IMPG1: variants seen among roughly 807,000 people sequenced by gnomAD.
The protein encoded by IMPG1 is interphotoreceptor matrix proteoglycan 1, also known as interphotoreceptor matrix proteoglycan of 150 kDa.
Under a neutral mutation model 92.0 loss-of-function variants are expected in IMPG1, and 85 were observed. The ratio of observed to expected loss-of-function variants is 0.92; its 90% CI spans 0.78 to 1.11. The LOEUF (loss-of-function observed/expected upper bound fraction) is 1.11. Ranked by LOEUF, IMPG1 falls within the 50% of genes least tolerant of loss-of-function variation. The pLI, the probability that IMPG1 is intolerant of heterozygous loss-of-function variation, is 0.00. For synonymous variants in IMPG1, 367 were observed against 334.1 expected (o/e 1.10, Z -1.08); for missense variants, 1,022 against 956.0 (o/e 1.07, Z -0.91).
intron 12 of IMPG1, among the ~76,000 whole-genome samples, chr6:75,996,332 A>G (rs1341699716): frequency 1.3e-5 from 2 of 152,208 alleles, no homozygotes; most frequent in Non-Finnish European, 2.9e-5. Context: ...GAGTTACTGA[A>G]AACTGCTTGG....
chr6:76,022,038 A>G, intron 6 of IMPG1, 78 bp downstream of exon 6: 1 of 748,496 alleles, frequency 1.3e-6, no homozygotes, highest in South Asian at 1.4e-5. Flanking sequence ...AGGATGGTTT[A>G]TCCATTCTCT....
At chr6:75,977,617 A>C (rs926258925) in intron 12 of IMPG1, among the ~76,000 whole-genome samples, 3 of 151,670 alleles carry the variant, frequency 2.0e-5, no homozygotes, top group Non-Finnish European at 2.9e-5. Context: ...AAAAACCCCC[A>C]AAAAACAAGC....
At chr6:76,040,609 T>A (rs999918761) in intron 2 of IMPG1, among the ~76,000 whole-genome samples, 1 of 152,226 alleles carries the variant, frequency 6.6e-6, no homozygotes, top group African/African-American at 2.4e-5. Flanking sequence ...AATAGTAATA[T>A]AGTGCCCTTG....
chr6:75,958,465 T>A (rs1014472958), intron 12 of IMPG1, among the ~76,000 whole-genome samples: 1 of 152,220 alleles, frequency 6.6e-6, no homozygotes, highest in African/African-American at 2.4e-5. Context: ...TCCTGGATAA[T>A]ATCCTGAAGA....
chr6:75,930,840 A>G lies in IMPG1; in HGVS notation c.2243+113T>C, dbSNP rs557159535. On this transcript the variant is annotated intron_variant, in intron 15 of 16. Coordinates refer to ENST00000369950, the MANE Select transcript of IMPG1 (RefSeq NM_001563.4). ...TTTCTGGGTGATTTCTACACTCACT[A>G]AAGTTTAAAAACCATGGGTTGAAAG... 8 of 983,870 alleles carry G rather than the reference A, an allele frequency of 8.1e-6. No homozygotes were observed. In the East Asian group the frequency reaches 9.7e-5, roughly 12 times the overall value. 60.9% of individuals were successfully genotyped at this position (983,870 alleles called of 1,614,324 possible).
chr6:75,978,247 C>T (rs932471913), intron 12 of IMPG1, among the ~76,000 whole-genome samples: 1 of 150,936 alleles, frequency 6.6e-6, no homozygotes, highest in African/African-American at 2.4e-5. Context: ...TCTCCCTCTT[C>T]TGCTTTGTGT....
In IMPG1 at chr6:76,025,256, T is replaced by G. The variant is rs1783505054; in HGVS notation, c.500A>C (p.Lys167Thr). 6.4e-7 allele frequency: 1 copy of G among 1,568,062 alleles called. No homozygotes were observed. Among genetic ancestry groups the G allele is most frequent in the Non-Finnish European group, 8.8e-7 (1 of 1,140,308 alleles). Residue 167 changes from lysine (K) to threonine (T), a missense_variant and splice_region_variant, in exon 5 of 17, where the codon AAA becomes ACA. By Grantham distance (78) the Lys-to-Thr change is moderately conservative. Coordinates refer to ENST00000369950, the MANE Select transcript of IMPG1 (RefSeq NM_001563.4). ...TGTCTTCTCTGCAGATATTTCATCTTTTCTATTAGTACAATAGAAAAGAAG... is the reference window on the plus strand; with the variant it reads ...TGTCTTCTCTGCAGATATTTCATCTGTTCTATTAGTACAATAGAAAAGAAG... The part of the protein sequence containing the change: ...RIKQRSFPDR[K>T]DEISAEKTLG...
At chr6:75,971,274 T>A (rs571614216) in intron 12 of IMPG1, among the ~76,000 whole-genome samples, 39 of 133,998 alleles carry the variant, frequency 2.9e-4, no homozygotes, top group Non-Finnish European at 3.1e-5. Flanking sequence ...ACAATGAGAA[T>A]ACATGGACAC....
chr6:75,972,946 A>G (rs905770470), intron 12 of IMPG1, among the ~76,000 whole-genome samples: 66 of 152,142 alleles, frequency 4.3e-4, no homozygotes, highest in African/African-American at 1.4e-3. Context: ...AATCAGTGGA[A>G]TCAGTGTTTA....
At chr6:76,003,639 C>T (rs111590164) in intron 11 of IMPG1, among the ~76,000 whole-genome samples, 1 of 152,046 alleles carries the variant, frequency 6.6e-6, no homozygotes, top group African/African-American at 2.4e-5. Context: ...AAAAATCTAA[C>T]TAAATTGAAG....
intron 1 of IMPG1, among the ~76,000 whole-genome samples, chr6:76,051,860 A>G (rs903249765): frequency 2.0e-5 from 3 of 152,192 alleles, no homozygotes; most frequent in Non-Finnish European, 4.4e-5. Context: ...CAGACTTGCT[A>G]TGTCAGAAGG....
Position 76,025,242 on chromosome 6 carries a change from C to G in IMPG1, c.514G>C (p.Ala172Pro). Residue 172 changes from alanine to proline, a missense_variant, in exon 5 of 17, where the codon GCA becomes CCA. Physicochemically the swap from Ala to Pro is conservative, Grantham distance 27. Coordinates refer to ENST00000369950, the MANE Select transcript of IMPG1 (RefSeq NM_001563.4). ...SFPDRKDEISAEKTLGEPGET... is the reference protein window; with the variant it reads ...SFPDRKDEISPEKTLGEPGET... ...CCAGGCTCTCCCAATGTCTTCTCTG[C>G]AGATATTTCATCTTTTCTATTAGTA... is the stretch of plus-strand genomic sequence containing the variant. The G allele has an allele frequency of 6.3e-7, 1 of 1,591,820 alleles. No individual in the cohort carries two copies. Among genetic ancestry groups the G allele is most frequent in the South Asian group, 1.1e-5 (1 of 89,970 alleles).
intron 9 of IMPG1, 131 bp downstream of exon 9, chr6:76,007,349 A>G (rs1381267074): frequency 4.7e-6 from 3 of 639,376 alleles, no homozygotes; most frequent in Non-Finnish European, 7.9e-6. Context: ...ACTTCCATTT[A>G]AATAAGAAAC....
chr6:75,946,864 C>A (rs1417227902), intron 14 of IMPG1, among the ~76,000 whole-genome samples: 1 of 151,766 alleles, frequency 6.6e-6, no homozygotes, highest in African/African-American at 2.4e-5. Context: ...TGTCTCTGAT[C>A]CTGAATTACA....
intron 12 of IMPG1, among the ~76,000 whole-genome samples, chr6:75,995,739 G>C (rs568637757): frequency 4.5e-4 from 69 of 152,276 alleles, no homozygotes; most frequent in African/African-American, 1.6e-3. Context: ...GCATTTACTA[G>C]CACATCACTG....
At chr6:76,027,237 G>A (rs1027768535) in intron 4 of IMPG1, among the ~76,000 whole-genome samples, 4 of 152,324 alleles carry the variant, frequency 2.6e-5, no homozygotes, top group East Asian at 1.9e-4. Flanking sequence ...GGTTTGCTAA[G>A]TGTTTTGAGG....
chr6:75,995,751 C>T (rs547378849), intron 12 of IMPG1, among the ~76,000 whole-genome samples: 53 of 152,316 alleles, frequency 3.5e-4, no homozygotes, highest in Admixed American at 1.2e-3. Context: ...ACATCACTGA[C>T]GAGCTTCAGT....
chr6:75,971,744 A>G (rs898229236), intron 12 of IMPG1, among the ~76,000 whole-genome samples: 5 of 152,194 alleles, frequency 3.3e-5, no homozygotes, highest in Non-Finnish European at 7.3e-5. Context: ...TGCCTTCTAT[A>G]TTGTCTTTGC....
chr6:75,928,907 C>T (rs1044615893), intron 15 of IMPG1, among the ~76,000 whole-genome samples: 4 of 152,192 alleles, frequency 2.6e-5, no homozygotes, highest in African/African-American at 7.2e-5. Flanking sequence ...TTTGCTTTCT[C>T]ATTTAATGAT....
Sources: gnomAD v4.1 joint callset for allele counts (sites outside exome capture counted in the v4.1 genomes callset) on GRCh38, gnomAD v4.1.1 for gene constraint, MANE v1.5 for transcripts, NCBI Gene and HGNC (gene_info 2026-07-23, HGNC 2026-07-21) for gene names.